Variants in JCAD observed in about 807,000 individuals in gnomAD.
JCAD encodes the protein junctional cadherin 5-associated protein.
A neutral mutation model predicts 98.0 loss-of-function variants in JCAD; 40 were observed. The observed-to-expected ratio is 0.41, with a 90% CI of 0.32 to 0.53. JCAD has a LOEUF of 0.53. Ranked by LOEUF, JCAD falls within the 20% of genes least tolerant of loss-of-function variation. The probability of loss-of-function intolerance (pLI) is 0.31; values close to 1 mark genes in which losing one functional copy is unlikely to be tolerated. For missense variants in JCAD, 1,705 were observed against 1,738.1 expected, an observed-to-expected ratio of 0.98 and a Z score of 0.34; for synonymous variants, 691 against 682.3, an observed-to-expected ratio of 1.01 and a Z score of -0.20.
chr10:30,051,307 C>CACA (rs942139423), intron 1 of JCAD, among the ~76,000 whole-genome samples: 2 of 151,450 alleles, frequency 1.3e-5, no homozygotes, highest in Non-Finnish European at 2.9e-5. Flanking sequence ...CACACACACA[C>CACA]AAGAGTTGAT....
intron 1 of JCAD, among the ~76,000 whole-genome samples, chr10:30,074,432 C>T (rs539226853): frequency 6.6e-6 from 1 of 152,312 alleles, no homozygotes; most frequent in South Asian, 2.1e-4. Flanking sequence ...CTGATAATAT[C>T]CCCCTCACAG....
At chr10:30,085,690 T>C (rs940727862) in intron 1 of JCAD, among the ~76,000 whole-genome samples, 1 of 152,202 alleles carries the variant, frequency 6.6e-6, no homozygotes, top group Non-Finnish European at 1.5e-5. Context: ...TGGGGAGTGA[T>C]AGGTTGAGCC....
chr10:30,030,204 G>A (rs1836961723), intron 2 of JCAD, among the ~76,000 whole-genome samples: 1 of 152,212 alleles, frequency 6.6e-6, no homozygotes, highest in Non-Finnish European at 1.5e-5. Context: ...AACACGTTGG[G>A]AGGCCAAGCT....
intron 1 of JCAD, among the ~76,000 whole-genome samples, chr10:30,097,436 A>G (rs1000327477): frequency 6.6e-6 from 1 of 152,184 alleles, no homozygotes; most frequent in Non-Finnish European, 1.5e-5. Context: ...CCTACAGCAT[A>G]TCAGATGCAT....
In JCAD at chr10:30,059,098, G is replaced by C. The variant is rs796411079; in HGVS notation, c.-60+384C>G. ...GACACAGGCTGGGGAGGGCGACTTC[G>C]AGAGGGGAGTGAGTGACCCCGGCCC... On this transcript the variant is annotated intron_variant, in intron 1 of 3. Transcript: ENST00000375377. This position sits in a 1 kb window ranked among gnomAD's most constrained non-coding sequence, Gnocchi z 5.0. Among the ~76,000 whole-genome samples, 2 of 151,958 alleles carry C rather than the reference G, an allele frequency of 1.3e-5. No homozygotes were observed. The highest frequency in any genetic ancestry group is 1.3e-4 in the Admixed American group (2 of 15,278).
In JCAD at chr10:30,093,702, C is replaced by T. The variant is rs376674724; in HGVS notation, n.128+21665G>A. Among the ~76,000 whole-genome samples the T allele has an allele frequency of 2.5e-4, 38 of 152,316 alleles. 1 individual carries two copies. The South Asian group carries it at 5.6e-3, about 22-fold the overall frequency. On this transcript the variant is annotated intron_variant and non_coding_transcript_variant, in intron 1 of 2. Transcript: ENST00000465712. ...ACTCTGGTTGGCACCACTAAAGCCACGGGAATCCCGGGGATAGAGTCTAGC... is the reference window on the plus strand; with the variant it reads ...ACTCTGGTTGGCACCACTAAAGCCATGGGAATCCCGGGGATAGAGTCTAGC...
chr10:30,058,733 T>G (rs1378480526), intron 1 of JCAD, among the ~76,000 whole-genome samples: 1 of 151,902 alleles, frequency 6.6e-6, no homozygotes, highest in African/African-American at 2.4e-5. Flanking sequence ...GCAGAGACCC[T>G]AGGAGGGCGG....
intron 1 of JCAD, among the ~76,000 whole-genome samples, chr10:30,101,059 C>G (rs1445348733): frequency 6.6e-6 from 1 of 152,132 alleles, no homozygotes; most frequent in South Asian, 2.1e-4. Context: ...GCAGAGGAAG[C>G]CTTCAGGTAG....
chr10:30,046,835 T>C (rs928166950), intron 2 of JCAD, among the ~76,000 whole-genome samples: 2 of 152,194 alleles, frequency 1.3e-5, no homozygotes, highest in Admixed American at 6.5e-5. Context: ...CTCATGACTC[T>C]AATCCCAGTG....
intron 1 of JCAD, among the ~76,000 whole-genome samples, chr10:30,051,181 T>C (rs1242710605): frequency 2.0e-5 from 3 of 152,032 alleles, no homozygotes. Flanking sequence ...AAAAACCATA[T>C]ATTTAAAAGG....
At chr10:30,065,543 T>C (rs115078162) in intron 2 of JCAD, among the ~76,000 whole-genome samples, 4,895 of 152,168 alleles carry the variant, frequency 0.032, 254 homozygotes, top group African/African-American at 0.11. Flanking sequence ...ACTCTGTCAT[T>C]GAGGCTGGAG....
At chr10:30,041,331 C>T (rs1837238893) in intron 2 of JCAD, among the ~76,000 whole-genome samples, 1 of 152,158 alleles carries the variant, frequency 6.6e-6, no homozygotes, top group South Asian at 2.1e-4. Context: ...ATACCAACAG[C>T]TAATGCTTAG....
Position 30,026,223 on chromosome 10 carries a change from C to A in JCAD, c.3925G>T (p.Asp1309Tyr). ...PGGLVSPGSG[D>Y]RAQRLGHSLS... ...GAGTGGCCCAATCTCTGGGCACGGT[C>A]CCCACTGCCAGGAGACACAAGGCCT... is the stretch of plus-strand genomic sequence containing the variant. The change falls in exon 3 of 4, where the codon GAC (aspartate) becomes TAC (tyrosine). Residue 1309 changes from aspartate (D) to tyrosine (Y), a missense_variant. Transcript: ENST00000375377. 6.2e-7 allele frequency: 1 copy of A among 1,614,040 alleles called. No individual in the cohort carries two copies. The highest frequency in any genetic ancestry group is 8.5e-7 in the Non-Finnish European group (1 of 1,180,042).
rs1345355153 is a variant in JCAD at position 30,059,228 on chromosome 10, A to G, written c.-60+254T>C. ...CGCTCCGAGCGGGGCACCTGAGGGG[A>G]GGGGACGCCCCTCCCGGGCTGGCAG... On this transcript the variant is annotated intron_variant, in intron 1 of 3. Transcript: ENST00000375377. The surrounding 1 kb of genome is among the most constrained non-coding windows in gnomAD (Gnocchi z 5.0). Among the ~76,000 whole-genome samples the G allele has an allele frequency of 2.0e-5, 3 of 150,978 alleles. No homozygotes were observed. Among genetic ancestry groups the G allele is most frequent in the Non-Finnish European group, 4.4e-5 (3 of 67,674 alleles).
rs7907013 is a variant in JCAD at position 30,032,764 on chromosome 10, A to G, written c.282-2898T>C. Among the ~76,000 whole-genome samples, 4 of 152,312 alleles carry G rather than the reference A, an allele frequency of 2.6e-5. No individual in the cohort carries two copies. In the South Asian group the frequency reaches 8.3e-4, roughly 32 times the overall value. On this transcript the variant is annotated intron_variant, in intron 2 of 3. Coordinates refer to ENST00000375377, the MANE Select transcript of JCAD (RefSeq NM_020848.4). ...TTGAACAGCCTGGGTATTCTACTAG[A>G]TATCTGGTATTATGTGAACATTTCC... is the stretch of plus-strand genomic sequence containing the variant.
intron 1 of JCAD, among the ~76,000 whole-genome samples, chr10:30,092,113 T>TAAAGTTACTTTAA (rs1564469989): frequency 3.2e-4 from 35 of 110,104 alleles, no homozygotes; most frequent in African/African-American, 1.4e-3. Context: ...TATATATATA[T>TAAAGTTACTTTAA]ATATATATAT....
intron 1 of JCAD, among the ~76,000 whole-genome samples, chr10:30,098,048 T>G (rs541646353): frequency 8.0e-4 from 122 of 152,154 alleles, no homozygotes; most frequent in African/African-American, 2.9e-3. Flanking sequence ...GCCAAATGGG[T>G]GAGTTTTGGT....
intron 1 of JCAD, among the ~76,000 whole-genome samples, chr10:30,054,823 C>T (rs1300041264): frequency 6.6e-6 from 1 of 151,840 alleles, no homozygotes; most frequent in Non-Finnish European, 1.5e-5. Flanking sequence ...GCGCCCGCCA[C>T]CTCGCCCGGC....
intron 3 of JCAD, among the ~76,000 whole-genome samples, chr10:30,024,052 C>A (rs1311435858): frequency 6.6e-6 from 1 of 152,148 alleles, no homozygotes; most frequent in Non-Finnish European, 1.5e-5. Flanking sequence ...GTAGTCCCAG[C>A]TACTTGGGAG....
Sources: gnomAD v4.1 joint callset for allele counts (sites outside exome capture counted in the v4.1 genomes callset) on GRCh38, gnomAD v4.1.1 for gene constraint, Gnocchi (gnomAD v3.1) non-coding constraint, MANE v1.5 for transcripts, NCBI Gene and HGNC (gene_info 2026-07-23, HGNC 2026-07-21) for gene names.